Variants in SNX13 observed in about 807,000 individuals in gnomAD.
SNX13 encodes the protein sorting nexin 13, also known as sorting nexin-13.
In SNX13, 45 loss-of-function variants were observed where a neutral mutation model predicts 133.6. The observed-to-expected ratio is 0.34, with a 90% confidence interval of 0.27 to 0.43. SNX13 has a LOEUF of 0.43. Ranked by LOEUF, SNX13 falls within the 20% of genes least tolerant of loss-of-function variation. The pLI is 1.00. For missense variants in SNX13, 1,032 were observed against 1,145.1 expected, an observed-to-expected ratio of 0.90 and a Z score of 1.43; for synonymous variants, 414 against 373.9, an observed-to-expected ratio of 1.11 and a Z score of -1.24.
At chr7:17,816,705 C>T (rs1255932406) in intron 18 of SNX13, among the ~76,000 whole-genome samples, 4 of 152,078 alleles carry the variant, frequency 2.6e-5, no homozygotes, top group Middle Eastern at 6.4e-3. Flanking sequence ...CCATCTTCAA[C>T]AGATAATTTT....
chr7:17,862,340 C>T (rs1055303707), intron 9 of SNX13, among the ~76,000 whole-genome samples: 14 of 152,018 alleles, frequency 9.2e-5, no homozygotes, highest in African/African-American at 3.4e-4. Context: ...TTTACCCTGC[C>T]TGAATTTTAA....
intron 8 of SNX13, among the ~76,000 whole-genome samples, chr7:17,871,241 G>C (rs200866312): frequency 6.6e-6 from 1 of 152,066 alleles, no homozygotes; most frequent in Non-Finnish European, 1.5e-5. Flanking sequence ...TCCTGACCTC[G>C]TGATCCGCCC....
chr7:17,798,752 T>C lies in SNX13; in HGVS notation c.2451A>G (p.Ile817Met). 6.4e-7 allele frequency: 1 copy of C among 1,553,188 alleles called. No homozygotes were observed. Among genetic ancestry groups the C allele is most frequent in the Non-Finnish European group, 8.7e-7 (1 of 1,155,668 alleles). The change falls in exon 24 of 26, where the codon ATA (isoleucine) becomes ATG (methionine). Residue 817 changes from isoleucine to methionine, a missense_variant. Transcript: ENST00000428135. ...AAGTCATCCAGTCAACATGGTCAAC[T>C]ATTTTTCTGAAAGTAAATTAATGTA... Reference protein sequence around the residue: ...ATYGDTINRKIVDHVDWMTSP... With the variant: ...ATYGDTINRKMVDHVDWMTSP...
chr7:17,805,254 T>TGCGCGCGCGCGCAC (rs1785129028), intron 20 of SNX13, among the ~76,000 whole-genome samples: 4 of 132,526 alleles, frequency 3.0e-5, no homozygotes, highest in South Asian at 2.5e-4. Flanking sequence ...TGTGTGTGCG[T>TGCGCGCGCGCGCAC]GCGCGCGCGC....
chr7:17,890,174 AC>A, intron 5 of SNX13, 188 bp downstream of exon 5: 1 of 447,814 alleles, frequency 2.2e-6, no homozygotes. Flanking sequence ...TTCTGTAAAA[AC>A]CTAAAATCTG....
rs565575623 is a variant in SNX13 at position 17,792,086 on chromosome 7, T to C, written c.*1959A>G. The C allele has an allele frequency of 6.6e-6, 1 of 152,244 alleles. No homozygotes were observed. The highest frequency in any genetic ancestry group is 2.1e-4 in the South Asian group (1 of 4,832). 9.4% of individuals were successfully genotyped at this position (152,244 alleles called of 1,614,324 possible). On this transcript the variant is annotated 3_prime_UTR_variant, in exon 26 of 26. Transcript: ENST00000428135. Reference sequence around the variant, plus strand: ...TTATATAGAAATGCTTTTTCACATGTACACGTTAGGGTCTTACATGAATTA... The same window carrying C: ...TTATATAGAAATGCTTTTTCACATGCACACGTTAGGGTCTTACATGAATTA...
At chr7:17,795,299 AT>A (rs1783928292) in intron 25 of SNX13, 1 of 151,714 alleles carries the variant, frequency 6.6e-6, no homozygotes, top group Admixed American at 6.6e-5. Context: ...TAATATAGAT[AT>A]TATTTTGCTG....
At chr7:17,861,344 A>T (rs4719523) in intron 9 of SNX13, among the ~76,000 whole-genome samples, 9 of 2,466 alleles carry the variant, frequency 3.6e-3, no homozygotes, top group Admixed American at 5.2e-3. Flanking sequence ...CAGTTATCTC[A>T]CACACACACA....
At chr7:17,890,057 G>A (rs1163911221) in intron 5 of SNX13, 2 of 199,900 alleles carry the variant, frequency 1.0e-5, no homozygotes, top group African/African-American at 2.3e-5. Flanking sequence ...AGGGGGAGGG[G>A]GGAAGTAGCA....
At chr7:17,862,986 A>AGCAC (rs1260637261) in intron 9 of SNX13, among the ~76,000 whole-genome samples, 1 of 152,102 alleles carries the variant, frequency 6.6e-6, no homozygotes. Context: ...CCCTCCCCTC[A>AGCAC]ACCCTGGACA....
At chr7:17,828,944 A>G (rs1307777167) in intron 16 of SNX13, among the ~76,000 whole-genome samples, 1 of 151,616 alleles carries the variant, frequency 6.6e-6, no homozygotes, top group Admixed American at 6.6e-5. Context: ...CACTTCCTTC[A>G]AGCTCTAGGA....
At position 17,893,237 on chromosome 7, in the gene SNX13, T is replaced by C. The variant is rs143369079; in HGVS notation, c.228+95A>G. On this transcript the variant is annotated intron_variant, in intron 3 of 25. Transcript: ENST00000428135. Reference sequence around the variant, plus strand: ...ATTCCCAGTGAGCATTAGTAAACTATACGAAAATTTGTCACGCTATATATA... The same window carrying C: ...ATTCCCAGTGAGCATTAGTAAACTACACGAAAATTTGTCACGCTATATATA... The C allele has an allele frequency of 1.1e-3, 853 of 742,218 alleles. 5 individuals are homozygous for C. The African/African-American group carries it at 0.015, about 13-fold the overall frequency. 46.0% of individuals were successfully genotyped at this position (742,218 alleles called of 1,614,324 possible).
intron 8 of SNX13, among the ~76,000 whole-genome samples, chr7:17,870,789 G>A (rs1489560316): frequency 2.6e-5 from 4 of 152,138 alleles, no homozygotes; most frequent in Non-Finnish European, 4.4e-5. Flanking sequence ...ATTCATCTGG[G>A]AGAAAGAGGT....
At chr7:17,901,213 C>A (rs555118629) in intron 1 of SNX13, among the ~76,000 whole-genome samples, 2 of 152,224 alleles carry the variant, frequency 1.3e-5, no homozygotes, top group Admixed American at 6.5e-5. Flanking sequence ...ATCCTCTTCA[C>A]TTTTCCCTCT....
At chr7:17,929,120 G>C (rs540293927) in intron 1 of SNX13, among the ~76,000 whole-genome samples, 59 of 152,058 alleles carry the variant, frequency 3.9e-4, no homozygotes, top group Non-Finnish European at 5.7e-4. Context: ...CAGGCCTGTA[G>C]ACACAGAGAA....
Position 17,826,095 on chromosome 7 carries a change from A to AG in SNX13, c.1636-5dup, listed in dbSNP as rs1311644112. 2.6e-6 allele frequency: 4 copies of AG among 1,526,318 alleles called. No homozygotes were observed. Among genetic ancestry groups the AG allele is most frequent in the East Asian group, 2.4e-5 (1 of 41,150 alleles). The allele number at this position is 1,526,318 out of a possible 1,614,324, so 94.5% of individuals were successfully genotyped here. On this transcript the variant is annotated splice_polypyrimidine_tract_variant and splice_region_variant and intron_variant, in intron 16 of 25. Coordinates refer to ENST00000428135, the MANE Select transcript of SNX13 (RefSeq NM_015132.5). The stretch of plus-strand genomic sequence containing the variant: ...CATTTGAAAGGTCATCTAAAGACTG[A>AG]GAAAAAAAAATCAGGAAACAAATTT...
rs566642638 is a variant in SNX13 at position 17,910,300 on chromosome 7, C to A, written c.13-12854G>T. Among the ~76,000 whole-genome samples, 167 of 152,194 alleles carry A rather than the reference C, an allele frequency of 1.1e-3. 1 individual carries two copies. Among genetic ancestry groups the A allele is most frequent in the Middle Eastern group, 6.8e-3 (2 of 294 alleles). Reference sequence around the variant, plus strand: ...GAAAGGAATAAAACAAAATACAATTCAATAAACCACTGGAAAAATAACAGA... The same window carrying A: ...GAAAGGAATAAAACAAAATACAATTAAATAAACCACTGGAAAAATAACAGA... On this transcript the variant is annotated intron_variant, in intron 1 of 25. Coordinates refer to ENST00000428135, the MANE Select transcript of SNX13 (RefSeq NM_015132.5).
chr7:17,891,206 G>A (rs1377826617), intron 4 of SNX13, among the ~76,000 whole-genome samples: 1 of 151,670 alleles, frequency 6.6e-6, no homozygotes, highest in East Asian at 1.9e-4. Flanking sequence ...TTTTTAAAAG[G>A]TAACAAGTAG....
intron 1 of SNX13, among the ~76,000 whole-genome samples, chr7:17,929,317 G>T (rs775466721): frequency 2.6e-5 from 4 of 152,044 alleles, no homozygotes; most frequent in Non-Finnish European, 5.9e-5. Context: ...ACAGGCAGAA[G>T]ACCCCACTCC....
Sources: gnomAD v4.1 joint callset for allele counts (sites outside exome capture counted in the v4.1 genomes callset) on GRCh38, gnomAD v4.1.1 for gene constraint, MANE v1.5 for transcripts, NCBI Gene and HGNC (gene_info 2026-07-23, HGNC 2026-07-21) for gene names.